CALCRL: variants seen among roughly 807,000 people sequenced by gnomAD.
The protein encoded by CALCRL is calcitonin receptor like receptor.
Under a neutral mutation model 60.4 loss-of-function variants are expected in CALCRL, and 27 were observed. That is an observed-to-expected ratio of 0.45 (90% CI 0.33 to 0.62). The LOEUF is 0.62. Among genes scored for constraint, CALCRL ranks in the 20% least tolerant of loss-of-function variants. CALCRL has a pLI of 0.03. For synonymous variants in CALCRL, 190 were observed against 182.6 expected, an observed-to-expected ratio of 1.04 and a Z score of -0.33; for missense variants, 424 against 540.7, an observed-to-expected ratio of 0.78 and a Z score of 2.14.
chr2:187,359,050 AT>A lies in CALCRL; in HGVS notation c.909+12del. 1 of 1,601,360 alleles carries A rather than the reference AT, an allele frequency of 6.2e-7. No individual in the cohort carries two copies. Among genetic ancestry groups the A allele is most frequent in the Non-Finnish European group, 8.6e-7 (1 of 1,168,402 alleles). On this transcript the variant is annotated intron_variant, in intron 12 of 14. Transcript: ENST00000392370. Reference sequence around the variant, plus strand: ...TGTGAGCAATGATAAGGAAAGGAGAATTTGTTACATACCAGTAAAGCAGCAC... The same window carrying A: ...TGTGAGCAATGATAAGGAAAGGAGAATTGTTACATACCAGTAAAGCAGCAC...
At chr2:187,444,820 A>G (rs912062963) in intron 1 of CALCRL, among the ~76,000 whole-genome samples, 1 of 151,490 alleles carries the variant, frequency 6.6e-6, no homozygotes, top group Non-Finnish European at 1.5e-5. Context: ...AAGATTATTC[A>G]AATAAGGAAA....
Position 187,351,956 on chromosome 2 carries a change from A to G in CALCRL, c.1134T>C (p.Leu378=). The change falls in exon 14 of 15, where the codon CTT becomes CTC. Residue 378 remains leucine (L), a synonymous_variant. Transcript: ENST00000392370. ...AGAAGCAGAAAATGGTAGAGACCAA[A>G]AGACCCTGTAAAAGAAAAATAGAAT... is the stretch of plus-strand genomic sequence containing the variant. The part of the protein sequence containing the change: ...IMHILMHFQG[L]LVSTIFCFFN... 1 of 1,596,882 alleles carries G rather than the reference A, an allele frequency of 6.3e-7. No individual in the cohort carries two copies. The highest frequency in any genetic ancestry group is 8.6e-7 in the Non-Finnish European group (1 of 1,166,524).
At chr2:187,363,530 G>T in intron 8 of CALCRL, 28 bp from the exon 9 acceptor site, 1 of 1,554,524 alleles carries the variant, frequency 6.4e-7, no homozygotes, top group Non-Finnish European at 8.7e-7. Flanking sequence ...CAAGTGTGTT[G>T]ACATCATGAA....
At chr2:187,437,968 G>A (rs1406884079) in intron 1 of CALCRL, among the ~76,000 whole-genome samples, 1 of 152,042 alleles carries the variant, frequency 6.6e-6, no homozygotes, top group African/African-American at 2.4e-5. Flanking sequence ...TGAATACTAT[G>A]GATGTATGTT....
intron 1 of CALCRL, among the ~76,000 whole-genome samples, chr2:187,402,623 G>C (rs187954630): frequency 2.6e-5 from 4 of 151,822 alleles, no homozygotes; most frequent in African/African-American, 9.6e-5. Flanking sequence ...CTCTAGGATA[G>C]ATATTTTCAT....
chr2:187,347,821 G>C (rs933408638), intron 14 of CALCRL, among the ~76,000 whole-genome samples: 1 of 151,584 alleles, frequency 6.6e-6, no homozygotes, highest in African/African-American at 2.4e-5. Context: ...AAAAAAGAAG[G>C]AGCAAATATA....
chr2:187,446,985 C>A (rs1476000503), intron 1 of CALCRL, among the ~76,000 whole-genome samples: 1 of 151,876 alleles, frequency 6.6e-6, no homozygotes, highest in Non-Finnish European at 1.5e-5. Flanking sequence ...AAAATCATAT[C>A]TATCAACATC....
chr2:187,425,836 A>T (rs536282774), intron 1 of CALCRL, among the ~76,000 whole-genome samples: 1 of 152,122 alleles, frequency 6.6e-6, no homozygotes, highest in East Asian at 1.9e-4. Context: ...CTTTTGGCAC[A>T]TTTTAAATGT....
At chr2:187,409,477 G>A (rs1574289461) in intron 1 of CALCRL, among the ~76,000 whole-genome samples, 1 of 152,178 alleles carries the variant, frequency 6.6e-6, no homozygotes, top group East Asian at 1.9e-4. Context: ...ATTGAAGACA[G>A]CAACTGTCCA....
rs1052038087 is a variant in CALCRL, at chr2:187,380,325, C to T, written c.408+142G>A. The T allele has an allele frequency of 3.5e-4, 187 of 530,174 alleles. 2 individuals are homozygous for T. The highest frequency in any genetic ancestry group is 4.7e-4 in the South Asian group (14 of 29,932). The allele number at this position is 530,174 out of a possible 1,614,324, so 32.8% of individuals were successfully genotyped here. A position where few individuals can be genotyped will look rare whatever the true frequency, so the allele number is the denominator to read the frequency against. On this transcript the variant is annotated intron_variant, in intron 7 of 14. Coordinates refer to ENST00000392370, the MANE Select transcript of CALCRL (RefSeq NM_005795.6). ...AATTTTTTCCACGGATATATTTCTT[C>T]TTTATTCTTCTCAAATTATATTATG... is the stretch of plus-strand genomic sequence containing the variant.
chr2:187,354,253 C>T (rs970388706), intron 12 of CALCRL, among the ~76,000 whole-genome samples: 10 of 151,970 alleles, frequency 6.6e-5, no homozygotes, highest in African/African-American at 2.2e-4. Flanking sequence ...CACAGTACCA[C>T]GCTTGGGTCA....
intron 1 of CALCRL, 61 bp from the exon 2 acceptor site, chr2:187,387,817 A>G: frequency 2.6e-6 from 1 of 385,226 alleles, no homozygotes. Context: ...TATTTCCATG[A>G]TAAATTAAAA....
chr2:187,372,675 G>C (rs528879436), intron 8 of CALCRL, among the ~76,000 whole-genome samples: 7 of 152,190 alleles, frequency 4.6e-5, no homozygotes, highest in African/African-American at 1.4e-4. Flanking sequence ...AATTACCAAA[G>C]AAGAGGAAAA....
chr2:187,447,678 G>C (rs998302779), intron 1 of CALCRL, among the ~76,000 whole-genome samples: 1 of 151,864 alleles, frequency 6.6e-6, no homozygotes, highest in Non-Finnish European at 1.5e-5. Flanking sequence ...AGACCCTTCC[G>C]GGGGGAGAAA....
chr2:187,343,778 G>C lies in CALCRL; in HGVS notation c.*2406C>G, dbSNP rs1686174796. On this transcript the variant is annotated 3_prime_UTR_variant, in exon 15 of 15. Coordinates refer to ENST00000392370, the MANE Select transcript of CALCRL (RefSeq NM_005795.6). ...CTTTGCTTTATGAGTATGATACAAA[G>C]ATATTAAGTAGCATTTAGCTTTTGA... is the stretch of plus-strand genomic sequence containing the variant. The C allele has an allele frequency of 6.6e-6, 1 of 151,488 alleles. No individual in the cohort carries two copies. Among genetic ancestry groups the C allele is most frequent in the Non-Finnish European group, 1.5e-5 (1 of 67,600 alleles). The allele number at this position is 151,488 out of a possible 1,614,324, so 9.4% of individuals were successfully genotyped here.
chr2:187,430,415 A>G (rs1690349366), intron 1 of CALCRL, among the ~76,000 whole-genome samples: 1 of 152,204 alleles, frequency 6.6e-6, no homozygotes, highest in Admixed American at 6.6e-5. Context: ...TATTACGATG[A>G]TACATTATTG....
chr2:187,346,354 A>G lies in CALCRL; in HGVS notation c.1216T>C (p.Phe406Leu), dbSNP rs994320895. The part of the protein sequence containing the change: ...RRNWNQYKIQ[F>L]GNSFSNSEAL... ...TCTGAGTTGGAAAAGCTGTTTCCAA[A>G]TTGGATTTTGTATTGATTCCAGTTT... The change falls in exon 15 of 15, where the codon TTT becomes CTT. Residue 406 changes from phenylalanine to leucine, a missense_variant. By Grantham distance (22) the Phe-to-Leu change is conservative. Coordinates refer to ENST00000392370, the MANE Select transcript of CALCRL (RefSeq NM_005795.6). The G allele has an allele frequency of 6.2e-7, 1 of 1,612,250 alleles. No homozygotes were observed. Among genetic ancestry groups the G allele is most frequent in the South Asian group, 1.1e-5 (1 of 91,004 alleles).
intron 8 of CALCRL, among the ~76,000 whole-genome samples, chr2:187,372,716 G>A (rs746189583): frequency 5.3e-5 from 8 of 152,132 alleles, no homozygotes; most frequent in Non-Finnish European, 1.5e-5. Context: ...GCAAGAATAA[G>A]TACAGTATAA....
chr2:187,350,238 C>T (rs1430314737), intron 14 of CALCRL, among the ~76,000 whole-genome samples: 1 of 151,614 alleles, frequency 6.6e-6, no homozygotes, highest in Non-Finnish European at 1.5e-5. Flanking sequence ...GTCTACCTTT[C>T]CTATTTCATG....
Sources: allele counts gnomAD v4.1 joint callset (sites outside exome capture counted in the v4.1 genomes callset), GRCh38; gene constraint gnomAD v4.1.1; transcripts MANE v1.5; gene names NCBI Gene and HGNC (gene_info 2026-07-23, HGNC 2026-07-21).